Variants in GALNT13 observed in about 807,000 individuals in gnomAD.
GALNT13 encodes polypeptide N-acetylgalactosaminyltransferase 13, also known as UDP-GalNAc:polypeptide N-acetylgalactosaminyltransferase 13.
GALNT13 carries 28 observed loss-of-function variants against 64.2 expected under a neutral mutation model. The ratio of observed to expected loss-of-function variants is 0.44; its 90% CI spans 0.32 to 0.60. The LOEUF (loss-of-function observed/expected upper bound fraction) is 0.60, where lower values mean the gene tolerates loss of function less well. Ranked by LOEUF, GALNT13 falls within the 20% of genes least tolerant of loss-of-function variation. The pLI is 0.05. For synonymous variants in GALNT13, 214 were observed against 224.6 expected (o/e 0.95, Z 0.42); for missense variants, 577 against 669.8 (o/e 0.86, Z 1.53).
chr2:154,003,996 T>C (rs1696085402), intron 3 of GALNT13, among the ~76,000 whole-genome samples: 2 of 152,156 alleles, frequency 1.3e-5, no homozygotes, highest in African/African-American at 2.4e-5. Flanking sequence ...CAGATAATTT[T>C]TTATAGCAAT....
At chr2:153,654,784 C>T in the GALNT13 span, among the ~76,000 whole-genome samples, 1 of 151,906 alleles carries the variant, frequency 6.6e-6, no homozygotes, top group Non-Finnish European at 1.5e-5. Context: ...AAATACTATG[C>T]CATTTACAAA....
the GALNT13 span, among the ~76,000 whole-genome samples, chr2:153,626,419 G>A: frequency 6.6e-6 from 1 of 152,010 alleles, no homozygotes; most frequent in Non-Finnish European, 1.5e-5. Context: ...ATTTCTGGAT[G>A]CTATGTTATG....
the GALNT13 span, chr2:153,356,478 A>G: frequency 6.6e-6 from 1 of 152,198 alleles, no homozygotes; most frequent in East Asian, 1.9e-4. Flanking sequence ...ATACACTAGA[A>G]GAAAATTCAT....
At chr2:154,392,025 A>G (rs1441808419) in intron 9 of GALNT13, among the ~76,000 whole-genome samples, 4 of 152,194 alleles carry the variant, frequency 2.6e-5, no homozygotes, top group African/African-American at 9.7e-5. Flanking sequence ...ACACCATTAC[A>G]GACAGAAAAA....
the GALNT13 span, among the ~76,000 whole-genome samples, chr2:153,229,325 C>T: frequency 4.7e-4 from 72 of 152,194 alleles, no homozygotes; most frequent in Non-Finnish European, 6.3e-4. Flanking sequence ...CATCTCTAGG[C>T]TGAGTTGCTT....
At chr2:154,397,647 G>GA (rs1209165183) in intron 10 of GALNT13, among the ~76,000 whole-genome samples, 3 of 151,832 alleles carry the variant, frequency 2.0e-5, no homozygotes, top group African/African-American at 4.8e-5. Flanking sequence ...AAAAATGAAA[G>GA]AAAAAAATAC....
intron 4 of GALNT13, among the ~76,000 whole-genome samples, chr2:154,185,092 C>T (rs533997252): frequency 2.6e-5 from 4 of 152,096 alleles, no homozygotes; most frequent in African/African-American, 7.2e-5. Flanking sequence ...AAATAATTAT[C>T]TTTTTATTTG....
chr2:153,573,785 T>G, the GALNT13 span, among the ~76,000 whole-genome samples: 3 of 152,100 alleles, frequency 2.0e-5, no homozygotes. Flanking sequence ...TCTATTTTAT[T>G]GTACTGTCTA....
At chr2:154,075,008 C>G (rs1700913421) in intron 3 of GALNT13, among the ~76,000 whole-genome samples, 1 of 151,872 alleles carries the variant, frequency 6.6e-6, no homozygotes, top group Admixed American at 6.6e-5. Flanking sequence ...GATGCTCACT[C>G]TCACCACTTC....
chr2:153,081,243 T>C, the GALNT13 span, among the ~76,000 whole-genome samples: 5 of 152,252 alleles, frequency 3.3e-5, no homozygotes, highest in East Asian at 9.6e-4. Flanking sequence ...TTTTGGTACA[T>C]AGTAGGTGTA....
chr2:153,948,243 A>T (rs1403418865), intron 3 of GALNT13, among the ~76,000 whole-genome samples: 1 of 8,520 alleles, frequency 1.2e-4, no homozygotes. Flanking sequence ...AATGGGACTA[A>T]AAAAAAAAAA....
At chr2:153,281,487 T>G in the GALNT13 span, among the ~76,000 whole-genome samples, 1 of 152,234 alleles carries the variant, frequency 6.6e-6, no homozygotes, top group Admixed American at 6.5e-5. Context: ...TCTTGGGCTA[T>G]GAACTAAGTG....
intron 1 of GALNT13, among the ~76,000 whole-genome samples, chr2:153,877,400 A>C (rs1357656051): frequency 2.6e-5 from 4 of 152,132 alleles, no homozygotes; most frequent in Non-Finnish European, 5.9e-5. Flanking sequence ...TGGTGAACGT[A>C]ATGCATGTGG....
the GALNT13 span, among the ~76,000 whole-genome samples, chr2:153,786,505 C>G: frequency 6.6e-6 from 1 of 151,704 alleles, no homozygotes; most frequent in Non-Finnish European, 1.5e-5. Flanking sequence ...GCCACAGCAG[C>G]ACTTTAATCC....
chr2:154,004,024 C>T (rs533000773), intron 3 of GALNT13, among the ~76,000 whole-genome samples: 6 of 152,234 alleles, frequency 3.9e-5, no homozygotes, highest in African/African-American at 1.4e-4. Flanking sequence ...CAGACTAATA[C>T]ATACCTTTAA....
the GALNT13 span, among the ~76,000 whole-genome samples, chr2:153,079,852 C>T: frequency 7.2e-5 from 11 of 152,246 alleles, no homozygotes; most frequent in Admixed American, 1.3e-4. Context: ...GGATGCGCTG[C>T]GCTATGGGCA....
the GALNT13 span, among the ~76,000 whole-genome samples, chr2:153,475,642 C>T: frequency 2.0e-5 from 3 of 152,168 alleles, no homozygotes; most frequent in Non-Finnish European, 4.4e-5. Flanking sequence ...CCTTCAGCCT[C>T]CGCGTGTCTG....
the GALNT13 span, among the ~76,000 whole-genome samples, chr2:153,231,313 G>T: frequency 6.6e-6 from 1 of 152,168 alleles, no homozygotes; most frequent in Non-Finnish European, 1.5e-5. Context: ...TAGAGAGTTT[G>T]CATCTTTCTT....
chr2:154,018,563 A>T (rs1041058990), intron 3 of GALNT13, among the ~76,000 whole-genome samples: 1 of 152,014 alleles, frequency 6.6e-6, no homozygotes, highest in African/African-American at 2.4e-5. Context: ...AGGATGGGGG[A>T]TAGGGAGAGG....
Sources: gnomAD v4.1 joint callset for allele counts (sites outside exome capture counted in the v4.1 genomes callset) on GRCh38, gnomAD v4.1.1 for gene constraint, MANE v1.5 for transcripts, NCBI Gene and HGNC (gene_info 2026-07-23, HGNC 2026-07-21) for gene names.